NRXN1: variants seen among roughly 807,000 people sequenced by gnomAD.
NRXN1 encodes neurexin 1.
In NRXN1, 39 loss-of-function variants were observed where a neutral mutation model predicts 150.9. The ratio of observed to expected loss-of-function variants is 0.26; its 90% CI spans 0.20 to 0.34. The LOEUF is 0.34. Among genes scored for constraint, NRXN1 ranks in the 10% least tolerant of loss-of-function variants. The pLI is 1.00. For missense variants in NRXN1, 1,815 were observed against 1,949.9 expected, an observed-to-expected ratio of 0.93 and a Z score of 1.30; for synonymous variants, 924 against 757.0, an observed-to-expected ratio of 1.22 and a Z score of -3.62.
At chr2:50,956,186 A>T (rs755449409) in intron 2 of NRXN1, among the ~76,000 whole-genome samples, 2 of 152,136 alleles carry the variant, frequency 1.3e-5, no homozygotes, top group South Asian at 2.1e-4. Context: ...CATTCACATA[A>T]TTTTTATTAA....
chr2:50,740,564 A>C (rs1405828028), intron 5 of NRXN1, among the ~76,000 whole-genome samples: 1 of 152,194 alleles, frequency 6.6e-6, no homozygotes, highest in East Asian at 1.9e-4. Flanking sequence ...TTCTCCTTAA[A>C]GAGAAAGATC....
chr2:50,550,696 A>ATTTTTATTTATTTTTT (rs1667329609), intron 9 of NRXN1, among the ~76,000 whole-genome samples: 1 of 147,140 alleles, frequency 6.8e-6, no homozygotes, highest in African/African-American at 2.5e-5. Context: ...ATTTTTTTTT[A>ATTTTTATTTATTTTTT]TTTTTGAGAC....
At chr2:50,235,529 C>T (rs1290525332) in intron 18 of NRXN1, among the ~76,000 whole-genome samples, 2 of 151,926 alleles carry the variant, frequency 1.3e-5, no homozygotes, top group Non-Finnish European at 2.9e-5. Flanking sequence ...AATTCTAAGG[C>T]AAAATTAAGA....
At chr2:50,705,821 T>C (rs933946695) in intron 5 of NRXN1, among the ~76,000 whole-genome samples, 2 of 152,166 alleles carry the variant, frequency 1.3e-5, no homozygotes, top group African/African-American at 2.4e-5. Flanking sequence ...TTATGTTGAT[T>C]GGCCTATGGC....
intron 18 of NRXN1, among the ~76,000 whole-genome samples, chr2:50,152,655 G>A (rs1361829439): frequency 6.6e-6 from 1 of 151,584 alleles, no homozygotes; most frequent in Non-Finnish European, 1.5e-5. Flanking sequence ...TCAGCCCATT[G>A]CCTTCTGGCC....
At chr2:50,710,591 A>G (rs1030438728) in intron 5 of NRXN1, among the ~76,000 whole-genome samples, 4 of 152,182 alleles carry the variant, frequency 2.6e-5, no homozygotes, top group African/African-American at 7.2e-5. Flanking sequence ...TCAAATTGAC[A>G]TTTTTTAGCC....
chr2:50,450,562 T>C lies in NRXN1; in HGVS notation c.3364+14880A>G, dbSNP rs190136918. On this transcript the variant is annotated intron_variant, in intron 17 of 22. Transcript: ENST00000401669. ...TGTATTTCTCATTATGTTTTGCACA[T>C]AGTAACTGCTCAATTAATAATAGTC... Among the ~76,000 whole-genome samples the C allele has an allele frequency of 3.0e-4, 46 of 152,268 alleles. No homozygotes were observed. The East Asian group carries it at 3.1e-3, about 10-fold the overall frequency.
At chr2:50,930,045 G>C (rs946453454) in intron 2 of NRXN1, among the ~76,000 whole-genome samples, 2 of 152,042 alleles carry the variant, frequency 1.3e-5, no homozygotes, top group African/African-American at 4.8e-5. Flanking sequence ...AATGGTCCTG[G>C]ACAGGAATTG....
chr2:50,840,200 T>C (rs984118463), intron 5 of NRXN1, among the ~76,000 whole-genome samples: 1 of 152,176 alleles, frequency 6.6e-6, no homozygotes, highest in African/African-American at 2.4e-5. Flanking sequence ...GAATGAGTTT[T>C]TAAAAAGGTA....
At chr2:50,287,116 C>T (rs565534994) in intron 17 of NRXN1, among the ~76,000 whole-genome samples, 7 of 152,104 alleles carry the variant, frequency 4.6e-5, no homozygotes, top group African/African-American at 1.7e-4. Flanking sequence ...AATATTTTTT[C>T]AACAAGTATA....
At chr2:50,271,971 A>C (rs561922015) in intron 17 of NRXN1, among the ~76,000 whole-genome samples, 2 of 152,302 alleles carry the variant, frequency 1.3e-5, no homozygotes, top group African/African-American at 4.8e-5. Context: ...GTAATGGACT[A>C]TGCAGTCTGA....
rs187437888 is a variant in NRXN1, at chr2:50,480,740, T to C, written c.3071-8269A>G. ...CCTTGTCAGCCACAGGTGTTCCTGA[T>C]GCTACAGCAGGCTTACACATCTAAC... On this transcript the variant is annotated intron_variant, in intron 15 of 22. Transcript: ENST00000401669. 1.6e-3 allele frequency among the ~76,000 whole-genome samples: 241 copies of C among 152,342 alleles called. 1 individual carries two copies. The highest frequency in any genetic ancestry group is 3.4e-3 in the Middle Eastern group (1 of 294).
chr2:50,637,023 T>A (rs780023304), intron 5 of NRXN1, among the ~76,000 whole-genome samples: 20 of 152,148 alleles, frequency 1.3e-4, no homozygotes, highest in Non-Finnish European at 8.8e-5. Flanking sequence ...GCTCCATGGA[T>A]AGAGCCCATA....
At chr2:50,077,169 C>T (rs1697238886) in intron 19 of NRXN1, among the ~76,000 whole-genome samples, 1 of 151,996 alleles carries the variant, frequency 6.6e-6, no homozygotes, top group Non-Finnish European at 1.5e-5. Context: ...TAGCATATTG[C>T]CCCATATAGA....
chr2:50,146,879 G>T (rs1165895546), intron 18 of NRXN1, among the ~76,000 whole-genome samples: 1 of 151,506 alleles, frequency 6.6e-6, no homozygotes, highest in East Asian at 1.9e-4. Context: ...TTTTCTGAAG[G>T]TTTCAATTTA....
intron 17 of NRXN1, among the ~76,000 whole-genome samples, chr2:50,242,682 C>A (rs1289486570): frequency 6.6e-6 from 1 of 151,554 alleles, no homozygotes; most frequent in Non-Finnish European, 1.5e-5. Flanking sequence ...CTCAATGTTA[C>A]ATATGCATGT....
chr2:50,129,286 A>C (rs576849909), intron 18 of NRXN1, among the ~76,000 whole-genome samples: 63 of 152,178 alleles, frequency 4.1e-4, no homozygotes, highest in Non-Finnish European at 7.8e-4. Flanking sequence ...ACTTCTGATT[A>C]AAATAATAAT....
intron 5 of NRXN1, among the ~76,000 whole-genome samples, chr2:50,809,563 G>A (rs975448567): frequency 2.6e-5 from 4 of 151,972 alleles, no homozygotes; most frequent in Non-Finnish European, 5.9e-5. Context: ...GTATTTTTGA[G>A]GCTATTAAAA....
intron 5 of NRXN1, among the ~76,000 whole-genome samples, chr2:50,817,704 A>G (rs955018417): frequency 6.6e-5 from 10 of 152,146 alleles, no homozygotes; most frequent in Admixed American, 5.2e-4. Flanking sequence ...GGTTCAACAT[A>G]CCAAAAGCAA....
Sources: allele counts gnomAD v4.1 joint callset (sites outside exome capture counted in the v4.1 genomes callset), GRCh38; gene constraint gnomAD v4.1.1; transcripts MANE v1.5; gene names NCBI Gene and HGNC (gene_info 2026-07-23, HGNC 2026-07-21).